The following ISM1 variants were observed in gnomAD, a reference collection of about 807,000 sequenced individuals.
ISM1 encodes the protein isthmin-1.
ISM1 carries 25 observed loss-of-function variants against 46.3 expected under a neutral mutation model. That is an observed-to-expected ratio of 0.54 (90% CI 0.39 to 0.75). ISM1 has a LOEUF of 0.75. ISM1 is among the 30% of genes least tolerant of loss of function. The probability of loss-of-function intolerance (pLI) is 0.00; values close to 1 mark genes in which losing one functional copy is unlikely to be tolerated. For missense variants in ISM1, 536 were observed against 625.4 expected (o/e 0.86, Z 1.52); for synonymous variants, 255 against 256.7 (o/e 0.99, Z 0.06).
At chr20:13,237,867 T>C (rs952211804) in intron 1 of ISM1, 14 of 152,162 alleles carry the variant, frequency 9.2e-5, no homozygotes, top group Non-Finnish European at 1.9e-4. Context: ...CAAATTAGAA[T>C]GAATGCAGGC....
At chr20:13,278,086 A>T (rs2040200483) in intron 2 of ISM1, among the ~76,000 whole-genome samples, 1 of 152,158 alleles carries the variant, frequency 6.6e-6, no homozygotes, top group Non-Finnish European at 1.5e-5. Flanking sequence ...GATTACTTGG[A>T]GTGCATGTTT....
At chr20:13,272,715 C>T (rs190923470) in intron 2 of ISM1, among the ~76,000 whole-genome samples, 56 of 152,336 alleles carry the variant, frequency 3.7e-4, no homozygotes, top group African/African-American at 1.3e-3. Context: ...GGCCCCTCTC[C>T]AGGGACTGGC....
At chr20:13,268,729 C>A (rs1234867320) in intron 1 of ISM1, among the ~76,000 whole-genome samples, 1 of 152,066 alleles carries the variant, frequency 6.6e-6, no homozygotes, top group Non-Finnish European at 1.5e-5. Context: ...GTTCCTGAGC[C>A]CCATTCCTAT....
intron 1 of ISM1, among the ~76,000 whole-genome samples, chr20:13,254,713 G>A (rs192472883): frequency 2.0e-5 from 3 of 152,158 alleles, no homozygotes; most frequent in South Asian, 4.1e-4. Flanking sequence ...GCCAGGACTC[G>A]GGGTCACCAC....
chr20:13,284,281 C>T (rs1419435759), intron 3 of ISM1, among the ~76,000 whole-genome samples: 1 of 152,206 alleles, frequency 6.6e-6, no homozygotes, highest in East Asian at 1.9e-4. Context: ...CCACAGGACG[C>T]TAGTGCCCTG....
intron 2 of ISM1, among the ~76,000 whole-genome samples, chr20:13,272,523 T>C (rs1314705475): frequency 1.3e-5 from 2 of 151,866 alleles, no homozygotes; most frequent in African/African-American, 4.8e-5. Context: ...CCCAAGGGGG[T>C]GGATCTCAAT....
At position 13,299,410 on chromosome 20, in the gene ISM1, C is replaced by T; in HGVS notation, c.1346C>T (p.Pro449Leu). The change falls in exon 6 of 6, where the codon CCC (proline) becomes CTC (leucine). Residue 449 changes from proline to leucine, a missense_variant. Physicochemically the swap from Pro to Leu is moderately conservative, Grantham distance 98 (BLOSUM62 -3). This residue lies in a region of ISM1 where 169 missense variants were observed against 249.3 expected (regional missense o/e 0.68). Transcript: ENST00000262487. The surrounding 1 kb of genome is among the most constrained non-coding windows in gnomAD (Gnocchi z 5.8). ...PNNGQKCTES[P>L]SDEDYIKQFQ... Reference sequence around the variant, plus strand: ...AACGGACAGAAGTGCACAGAGAGCCCCTCGGACGAGGACTACATCAAGCAG... The same window carrying T: ...AACGGACAGAAGTGCACAGAGAGCCTCTCGGACGAGGACTACATCAAGCAG... 1 of 1,611,556 alleles carries T rather than the reference C, an allele frequency of 6.2e-7. No individual in the cohort carries two copies. Among genetic ancestry groups the T allele is most frequent in the Non-Finnish European group, 8.5e-7 (1 of 1,179,792 alleles).
intron 1 of ISM1, among the ~76,000 whole-genome samples, chr20:13,268,821 G>A (rs2040077749): frequency 6.6e-6 from 1 of 152,140 alleles, no homozygotes. Context: ...AGGCTGAGGT[G>A]GGAGGATTAC....
chr20:13,304,259 T>TCCAGGAA (rs2040481577), downstream of ISM1, among the ~76,000 whole-genome samples: 1 of 152,128 alleles, frequency 6.6e-6, no homozygotes, highest in African/African-American at 2.4e-5. Context: ...CAGAGATGGC[T>TCCAGGAA]GCATGAGCAC....
Position 13,265,026 on chromosome 20 carries a change from T to C in ISM1, c.139-5478T>C, listed in dbSNP as rs879342493. Among the ~76,000 whole-genome samples, 3 of 152,180 alleles carry C rather than the reference T, an allele frequency of 2.0e-5. No homozygotes were observed. In the East Asian group the frequency reaches 5.8e-4, roughly 29 times the overall value. On this transcript the variant is annotated intron_variant, in intron 1 of 5. Coordinates refer to ENST00000262487, the MANE Select transcript of ISM1 (RefSeq NM_080826.2). ...AGAAGGCTGTCAGACCAAAGGCTGG[T>C]GGGCTAAGACTGTGCGTTGGGCCCG... is the stretch of plus-strand genomic sequence containing the variant.
chr20:13,226,187 T>A (rs1162978141), intron 1 of ISM1, among the ~76,000 whole-genome samples: 2 of 152,252 alleles, frequency 1.3e-5, no homozygotes, highest in Admixed American at 6.5e-5. Context: ...CTAACTATCA[T>A]CTTTATGAAC....
At chr20:13,255,925 G>T (rs111754771) in intron 1 of ISM1, among the ~76,000 whole-genome samples, 8 of 147,940 alleles carry the variant, frequency 5.4e-5, no homozygotes, top group Non-Finnish European at 1.0e-4. Context: ...AGTTCCTGGG[G>T]TTTTTTTTTT....
chr20:13,242,700 T>C (rs1160702313), intron 1 of ISM1, among the ~76,000 whole-genome samples: 1 of 152,166 alleles, frequency 6.6e-6, no homozygotes, highest in Non-Finnish European at 1.5e-5. Context: ...GGCTGTTGTT[T>C]CTATGCTTAT....
rs144356985 is a variant in ISM1 at position 13,286,853 on chromosome 20, A to T, written c.644-1687A>T. 9.2e-3 allele frequency among the ~76,000 whole-genome samples: 1,407 copies of T among 152,372 alleles called. 15 individuals are homozygous for T. Among genetic ancestry groups the T allele is most frequent in the South Asian group, 0.023 (110 of 4,832 alleles). ...GTAATAACAATCGCCACGACCTGTTATGAACAGAGGGTACTCCCTCCCGGC... is the reference window on the plus strand; with the variant it reads ...GTAATAACAATCGCCACGACCTGTTTTGAACAGAGGGTACTCCCTCCCGGC... On this transcript the variant is annotated intron_variant, in intron 3 of 5. Transcript: ENST00000262487.
At chr20:13,275,928 G>A (rs1443643216) in intron 2 of ISM1, among the ~76,000 whole-genome samples, 1 of 152,202 alleles carries the variant, frequency 6.6e-6, no homozygotes, top group African/African-American at 2.4e-5. Context: ...TCTAAGTTGT[G>A]TAGAAGGGAC....
intron 1 of ISM1, among the ~76,000 whole-genome samples, chr20:13,247,839 C>G (rs2039818375): frequency 6.6e-6 from 1 of 152,092 alleles, no homozygotes; most frequent in Non-Finnish European, 1.5e-5. Flanking sequence ...GAAGTAGGAT[C>G]TTGGTTTCTC....
Position 13,221,774 on chromosome 20 carries a change from A to T in ISM1, c.-3A>T. 1 of 1,443,490 alleles carries T rather than the reference A, an allele frequency of 6.9e-7. No individual in the cohort carries two copies. Among genetic ancestry groups the T allele is most frequent in the Admixed American group, 2.6e-5 (1 of 38,562 alleles). The allele number at this position is 1,443,490 out of a possible 1,614,324, so 89.4% of individuals were successfully genotyped here. ...GGGTCCTAAAGCCGCGCGTCTCAAAAGGATGGTGCGCCTGGCGGCCGAGCT... is the reference window on the plus strand; with the variant it reads ...GGGTCCTAAAGCCGCGCGTCTCAAATGGATGGTGCGCCTGGCGGCCGAGCT... On this transcript the variant is annotated 5_prime_UTR_variant, in exon 1 of 6. It adds an upstream start codon to the 5' untranslated region. Coordinates refer to ENST00000262487, the MANE Select transcript of ISM1 (RefSeq NM_080826.2).
In ISM1 at chr20:13,299,709, G is replaced by A; in HGVS notation, c.*250G>A. ...GGAGCGATGTGGGCAGAAGGATGGG[G>A]ACAACTTGGAAGCCAGAAGAAGAAC... On this transcript the variant is annotated 3_prime_UTR_variant, in exon 6 of 6. Transcript: ENST00000262487. The surrounding 1 kb of genome is among the most constrained non-coding windows in gnomAD (Gnocchi z 5.8). 1 of 398,530 alleles carries A rather than the reference G, an allele frequency of 2.5e-6. No individual in the cohort carries two copies. The highest frequency in any genetic ancestry group is 4.5e-6 in the Non-Finnish European group (1 of 222,130). 24.7% of individuals were successfully genotyped at this position (398,530 alleles called of 1,614,324 possible).
At chr20:13,232,516 T>C (rs1339275707) in intron 1 of ISM1, among the ~76,000 whole-genome samples, 1 of 152,268 alleles carries the variant, frequency 6.6e-6, no homozygotes, top group Non-Finnish European at 1.5e-5. Context: ...TGTGTGGATA[T>C]ACCACCATAT....
Sources: gnomAD v4.1 joint callset for allele counts (sites outside exome capture counted in the v4.1 genomes callset) on GRCh38, gnomAD v4.1.1 for gene constraint, gnomAD v4.1.1 regional missense constraint, Gnocchi (gnomAD v3.1) non-coding constraint, MANE v1.5 for transcripts, NCBI Gene and HGNC (gene_info 2026-07-23, HGNC 2026-07-21) for gene names.